Variants in PPFIA2 observed in about 807,000 individuals in gnomAD.
PPFIA2 encodes PPFI scaffold protein A2, also known as liprin-alpha-2.
A neutral mutation model predicts 175.5 loss-of-function variants in PPFIA2; 46 were observed. The observed-to-expected ratio is 0.26, with a 90% CI of 0.21 to 0.34. The LOEUF (loss-of-function observed/expected upper bound fraction) is 0.34. Ranked by LOEUF, PPFIA2 falls within the 10% of genes least tolerant of loss-of-function variation. The pLI is 1.00. For synonymous variants in PPFIA2, 568 were observed against 511.4 expected, an observed-to-expected ratio of 1.11 and a Z score of -1.49; for missense variants, 1,179 against 1,506.1, an observed-to-expected ratio of 0.78 and a Z score of 3.60.
intron 23 of PPFIA2, 60 bp downstream of exon 23, chr12:81,299,241 C>CA (rs1179900255): frequency 3.3e-6 from 5 of 1,495,608 alleles, no homozygotes; most frequent in South Asian, 2.6e-5. Context: ...TTACCTGTCT[C>CA]AAAAAAATTA....
intron 3 of PPFIA2, among the ~76,000 whole-genome samples, chr12:81,729,933 T>G (rs73151325): frequency 0.14 from 21,633 of 151,556 alleles, 1,733 homozygotes; most frequent in Middle Eastern, 0.23. Context: ...ACAAGTGGAA[T>G]GAGCTTGGAA....
intron 8 of PPFIA2, among the ~76,000 whole-genome samples, chr12:81,384,921 A>G (rs2038593999): frequency 6.6e-6 from 1 of 152,178 alleles, no homozygotes; most frequent in South Asian, 2.1e-4. Context: ...AGGACTGCTT[A>G]GAAACCAGGG....
At chr12:81,485,300 G>C (rs2058693964) in intron 4 of PPFIA2, among the ~76,000 whole-genome samples, 3 of 151,358 alleles carry the variant, frequency 2.0e-5, no homozygotes, top group Admixed American at 1.3e-4. Context: ...TACAGGTTAT[G>C]TTTTTCTTTT....
intron 21 of PPFIA2, among the ~76,000 whole-genome samples, chr12:81,334,502 A>T (rs560857177): frequency 9.2e-5 from 14 of 151,548 alleles, no homozygotes; most frequent in African/African-American, 2.2e-4. Flanking sequence ...AAAAAAAAAA[A>T]AATAAATCTC....
intron 4 of PPFIA2, among the ~76,000 whole-genome samples, chr12:81,588,650 T>C (rs1445539561): frequency 2.0e-5 from 3 of 152,248 alleles, no homozygotes; most frequent in African/African-American, 7.2e-5. Flanking sequence ...TGACCTTTCC[T>C]CTTTTGCCTC....
intron 4 of PPFIA2, among the ~76,000 whole-genome samples, chr12:81,518,684 C>A (rs73360660): frequency 0.025 from 3,739 of 152,226 alleles, 154 homozygotes; most frequent in African/African-American, 0.086. Context: ...ACTTTCCCTG[C>A]CTTATCATTT....
intron 8 of PPFIA2, among the ~76,000 whole-genome samples, chr12:81,400,940 C>T (rs1033955867): frequency 5.3e-5 from 8 of 152,084 alleles, no homozygotes; most frequent in South Asian, 2.1e-4. Context: ...ATACATGACA[C>T]GTATAAAAAT....
At chr12:81,322,185 TA>T (rs1263314339) in intron 22 of PPFIA2, among the ~76,000 whole-genome samples, 1 of 152,082 alleles carries the variant, frequency 6.6e-6, no homozygotes, top group Non-Finnish European at 1.5e-5. Context: ...GCTTTTAGGT[TA>T]AAACATAGGC....
intron 4 of PPFIA2, among the ~76,000 whole-genome samples, chr12:81,572,741 C>T (rs1264573296): frequency 6.6e-6 from 1 of 151,944 alleles, no homozygotes; most frequent in Non-Finnish European, 1.5e-5. Flanking sequence ...GTTTTTTAAA[C>T]ACCTTTTCCC....
At chr12:81,339,002 T>A (rs1035849185) in intron 21 of PPFIA2, among the ~76,000 whole-genome samples, 178 bp downstream of exon 21, 2 of 152,106 alleles carry the variant, frequency 1.3e-5, no homozygotes, top group Non-Finnish European at 2.9e-5. Context: ...TTTCACTAAG[T>A]TGTATTAAGC....
chr12:81,583,052 C>T (rs1490850553), intron 4 of PPFIA2, among the ~76,000 whole-genome samples: 12 of 151,994 alleles, frequency 7.9e-5, no homozygotes, highest in South Asian at 2.1e-4. Flanking sequence ...CTTAATATTT[C>T]GTGGCATCTG....
chr12:81,264,941 T>C (rs576494871), intron 30 of PPFIA2, among the ~76,000 whole-genome samples: 1 of 151,834 alleles, frequency 6.6e-6, no homozygotes, highest in East Asian at 1.9e-4. Flanking sequence ...TATAAAACAC[T>C]ATGTTACACT....
At chr12:81,565,836 G>T (rs1042733705) in intron 4 of PPFIA2, among the ~76,000 whole-genome samples, 4 of 152,126 alleles carry the variant, frequency 2.6e-5, no homozygotes, top group Non-Finnish European at 5.9e-5. Flanking sequence ...AATGTCATGG[G>T]TAATGCCACA....
chr12:81,368,696 C>T (rs564249491), intron 13 of PPFIA2, 29 bp downstream of exon 13: 3 of 1,587,424 alleles, frequency 1.9e-6, no homozygotes, highest in East Asian at 4.5e-5. Context: ...GCAAAATATT[C>T]ATGTGATTTT....
At chr12:81,540,975 C>T (rs1011930838) in intron 4 of PPFIA2, among the ~76,000 whole-genome samples, 1 of 152,016 alleles carries the variant, frequency 6.6e-6, no homozygotes, top group Non-Finnish European at 1.5e-5. Flanking sequence ...CCCAGGGGTG[C>T]CTGCTATCCT....
chr12:81,441,784 A>G (rs1490059807), intron 6 of PPFIA2, among the ~76,000 whole-genome samples: 8 of 152,106 alleles, frequency 5.3e-5, no homozygotes, highest in Non-Finnish European at 8.8e-5. Context: ...ACTGTAAAAT[A>G]CGGGTGTCCT....
chr12:81,640,370 A>G (rs186699242), intron 4 of PPFIA2, among the ~76,000 whole-genome samples: 176 of 152,244 alleles, frequency 1.2e-3, no homozygotes, highest in Non-Finnish European at 2.2e-3. Flanking sequence ...ATGAGCCAAA[A>G]CTCAGAACGA....
At chr12:81,349,068 T>G (rs1031405185) in intron 17 of PPFIA2, among the ~76,000 whole-genome samples, 3 of 152,212 alleles carry the variant, frequency 2.0e-5, no homozygotes. Context: ...AATACTTCTC[T>G]GGTGTACGTT....
chr12:81,528,387 A>C (rs1184109171), intron 4 of PPFIA2, among the ~76,000 whole-genome samples: 3 of 152,136 alleles, frequency 2.0e-5, no homozygotes, highest in Non-Finnish European at 4.4e-5. Context: ...TTTCTACTGA[A>C]GAAAATATCC....
Sources: allele counts gnomAD v4.1 joint callset (sites outside exome capture counted in the v4.1 genomes callset), GRCh38; gene constraint gnomAD v4.1.1; transcripts MANE v1.5; gene names NCBI Gene and HGNC (gene_info 2026-07-23, HGNC 2026-07-21).